The following SCFD1 variants were observed in gnomAD, a reference collection of about 807,000 sequenced individuals.
SCFD1 encodes sec1 family domain containing 1.
In SCFD1, 37 loss-of-function variants were observed where a neutral mutation model predicts 103.2. The ratio of observed to expected loss-of-function variants is 0.36; its 90% CI spans 0.28 to 0.47. The LOEUF (loss-of-function observed/expected upper bound fraction) is 0.47, where lower values mean the gene tolerates loss of function less well. Among genes scored for constraint, SCFD1 ranks in the 20% least tolerant of loss-of-function variants. The pLI is 1.00. For synonymous variants in SCFD1, 264 were observed against 245.0 expected (o/e 1.08, Z -0.73); for missense variants, 639 against 761.2 (o/e 0.84, Z 1.89).
At chr14:30,683,909 G>C (rs1234841892) in intron 14 of SCFD1, among the ~76,000 whole-genome samples, 1 of 152,134 alleles carries the variant, frequency 6.6e-6, no homozygotes, top group Admixed American at 6.5e-5. Flanking sequence ...TGAAGAAGAG[G>C]GAAAGCCAAG....
In SCFD1 at chr14:30,664,546, G is replaced by C. The variant is rs1234085378; in HGVS notation, c.856-5710G>C. ...AACGGAACAAAGCTGGACGGAGAAT[G>C]ATGAGTTGACAGAAGTAGGCTTCAG... is the stretch of plus-strand genomic sequence containing the variant. On this transcript the variant is annotated intron_variant, in intron 10 of 24. Coordinates refer to ENST00000458591, the MANE Select transcript of SCFD1 (RefSeq NM_016106.4). 2.0e-5 allele frequency among the ~76,000 whole-genome samples: 3 copies of C among 152,266 alleles called. No individual in the cohort carries two copies. The South Asian group carries it at 6.2e-4, about 32-fold the overall frequency.
chr14:30,724,244 G>GTTTTTT (rs1268662400), intron 23 of SCFD1, among the ~76,000 whole-genome samples: 28 of 127,236 alleles, frequency 2.2e-4, no homozygotes, highest in African/African-American at 8.9e-4. Context: ...CTTTTTTATG[G>GTTTTTT]GTTTTTTTTT....
intron 23 of SCFD1, among the ~76,000 whole-genome samples, chr14:30,733,734 C>T (rs1352905724): frequency 6.6e-6 from 1 of 152,204 alleles, no homozygotes. Context: ...ACATTTTTCA[C>T]CTGGTTTCTG....
Position 30,698,500 on chromosome 14 carries a change from A to G in SCFD1, c.1340-1688A>G, listed in dbSNP as rs1339335239. ...GCAAAGTAAGTATCTACTATTAGAA[A>G]AGGCTGTGCTAGATGCTGAAGATGC... On this transcript the variant is annotated intron_variant, in intron 15 of 24. Transcript: ENST00000458591. Among the ~76,000 whole-genome samples, 3 of 152,300 alleles carry G rather than the reference A, an allele frequency of 2.0e-5. No homozygotes were observed. In the East Asian group the frequency reaches 5.8e-4, roughly 29 times the overall value.
At chr14:30,661,135 G>A (rs1887412309) in intron 10 of SCFD1, among the ~76,000 whole-genome samples, 1 of 152,106 alleles carries the variant, frequency 6.6e-6, no homozygotes, top group African/African-American at 2.4e-5. Context: ...TTAATAACAA[G>A]TAGCATTGTG....
intron 14 of SCFD1, among the ~76,000 whole-genome samples, chr14:30,692,459 A>G (rs959452301): frequency 5.3e-5 from 8 of 152,084 alleles, no homozygotes; most frequent in African/African-American, 1.9e-4. Context: ...GAAAAGGGAG[A>G]GAGTAGGGAT....
chr14:30,722,475 T>C lies in SCFD1; in HGVS notation c.1771-19T>C. 6.4e-7 allele frequency: 1 copy of C among 1,556,446 alleles called. No individual in the cohort carries two copies. Among genetic ancestry groups the C allele is most frequent in the Non-Finnish European group, 8.7e-7 (1 of 1,148,002 alleles). ...ACTAAAAACTGTGTTTTTTTTTTTT[T>C]AATCTGTTTGCATTTTAGGCCATTG... is the stretch of plus-strand genomic sequence containing the variant. On this transcript the variant is annotated intron_variant, in intron 22 of 24. Transcript: ENST00000458591.
At chr14:30,691,477 C>T (rs1160686270) in intron 14 of SCFD1, among the ~76,000 whole-genome samples, 1 of 152,128 alleles carries the variant, frequency 6.6e-6, no homozygotes, top group African/African-American at 2.4e-5. Flanking sequence ...TGATAGGTGC[C>T]TTGAAGAGAT....
rs773242548 is a variant in SCFD1, at chr14:30,622,350, G to GGCGGCA, written c.16_21dup (p.Ala6_Ala7dup). 31 of 1,570,244 alleles carry GGCGGCA rather than the reference G, an allele frequency of 2.0e-5. No homozygotes were observed. The highest frequency in any genetic ancestry group is 1.2e-4 in the African/African-American group (9 of 73,814). On this transcript the variant is annotated inframe_insertion, in exon 1 of 25. Transcript: ENST00000458591. ...TCGTGGGAGCCAAGATGGCGGCGGC[G>GGCGGCA]GCGGCAGCGACAGCAGCAGCAGCAG...
intron 19 of SCFD1, among the ~76,000 whole-genome samples, chr14:30,713,754 A>G (rs1303689946): frequency 6.6e-6 from 1 of 152,192 alleles, no homozygotes; most frequent in South Asian, 2.1e-4. Flanking sequence ...CACAGAATTC[A>G]GTGTAAATAG....
At chr14:30,665,959 A>G (rs548148982) in intron 10 of SCFD1, among the ~76,000 whole-genome samples, 1 of 152,302 alleles carries the variant, frequency 6.6e-6, no homozygotes, top group Admixed American at 6.5e-5. Flanking sequence ...CCCACACAAT[A>G]ATAATGGGAG....
At chr14:30,709,484 C>T (rs534452719) in intron 19 of SCFD1, among the ~76,000 whole-genome samples, 20 of 152,256 alleles carry the variant, frequency 1.3e-4, no homozygotes, top group South Asian at 4.1e-4. Flanking sequence ...CTTCCCACCT[C>T]AGCCTCTCAA....
chr14:30,724,500 A>C (rs1942091185), intron 23 of SCFD1, among the ~76,000 whole-genome samples: 1 of 151,792 alleles, frequency 6.6e-6, no homozygotes, highest in Non-Finnish European at 1.5e-5. Flanking sequence ...TGATCTGCCC[A>C]CCTCAGCCTC....
At chr14:30,635,754 C>T (rs1048523089) in intron 4 of SCFD1, among the ~76,000 whole-genome samples, 12 of 152,014 alleles carry the variant, frequency 7.9e-5, no homozygotes, top group Non-Finnish European at 1.6e-4. Flanking sequence ...GTTTTCAATT[C>T]TCTTGTGGCC....
chr14:30,670,380 A>G lies in SCFD1; in HGVS notation c.980A>G (p.Gln327Arg). ...TTAACTCCGGTTGATAAATTTTGGC[A>G]AAAACATAAAGGAAGGTAAGCAAAA... Reference protein sequence around the residue: ...YDLTPVDKFWQKHKGSPFPEV... With the variant: ...YDLTPVDKFWRKHKGSPFPEV... Residue 327 changes from glutamine (Q) to arginine (R), a missense_variant, in exon 11 of 25, where the codon CAA becomes CGA. Transcript: ENST00000458591. The G allele has an allele frequency of 6.4e-7, 1 of 1,563,954 alleles. No individual in the cohort carries two copies. Among genetic ancestry groups the G allele is most frequent in the Non-Finnish European group, 8.6e-7 (1 of 1,160,534 alleles).
chr14:30,659,255 A>T (rs772164948), intron 10 of SCFD1, among the ~76,000 whole-genome samples: 42 of 150,564 alleles, frequency 2.8e-4, no homozygotes, highest in Non-Finnish European at 5.6e-4. Context: ...TTTTAATAAT[A>T]TATTTTATAA....
chr14:30,716,760 T>C (rs1892306690), intron 20 of SCFD1, among the ~76,000 whole-genome samples: 1 of 152,202 alleles, frequency 6.6e-6, no homozygotes, highest in African/African-American at 2.4e-5. Context: ...TCACCTTTTT[T>C]GTAATTGTCA....
At position 30,694,775 on chromosome 14, in the gene SCFD1, A is replaced by G. The variant is rs1890577618; in HGVS notation, c.1245A>G (p.Ala415=). ...ATCTAATGTTTATTTTGAAACAGGC[A>G]AGAAAATTGGATGTATATTTTGAAT... is the stretch of plus-strand genomic sequence containing the variant. ...VATAVLEHIK[A]RKLDVYFEYE... Residue 415 remains alanine, a splice_region_variant and synonymous_variant, in exon 15 of 25, where the codon GCA becomes GCG. Transcript: ENST00000458591. The G allele has an allele frequency of 6.3e-7, 1 of 1,579,242 alleles. No homozygotes were observed. The highest frequency in any genetic ancestry group is 8.5e-7 in the Non-Finnish European group (1 of 1,169,830).
chr14:30,646,892 G>A (rs1018953368), intron 7 of SCFD1, among the ~76,000 whole-genome samples: 4 of 152,054 alleles, frequency 2.6e-5, no homozygotes, highest in African/African-American at 9.7e-5. Flanking sequence ...TTTCTAGTTT[G>A]TGTTCATAGG....
Sources: gnomAD v4.1 joint callset for allele counts (sites outside exome capture counted in the v4.1 genomes callset) on GRCh38, gnomAD v4.1.1 for gene constraint, MANE v1.5 for transcripts, NCBI Gene and HGNC (gene_info 2026-07-23, HGNC 2026-07-21) for gene names.